The following PRELID2 variants were observed in gnomAD, a reference collection of about 807,000 sequenced individuals.
The protein encoded by PRELID2 is PRELI domain containing 2.
A neutral mutation model predicts 28.4 loss-of-function variants in PRELID2; 25 were observed. The observed-to-expected ratio is 0.88, with a 90% CI of 0.64 to 1.23. The LOEUF is 1.23. Among genes scored for constraint, PRELID2 ranks in the 50% most tolerant of loss-of-function variants. PRELID2 has a pLI of 0.00. For synonymous variants in PRELID2, 76 were observed against 71.6 expected (o/e 1.06, Z -0.31); for missense variants, 201 against 214.4 (o/e 0.94, Z 0.39).
intron 1 of PRELID2, among the ~76,000 whole-genome samples, chr5:145,511,585 G>C (rs1171579158): frequency 1.3e-5 from 2 of 152,186 alleles, no homozygotes; most frequent in African/African-American, 4.8e-5. Context: ...TTCATTTCGT[G>C]GTTCAAAAAT....
chr5:145,507,346 G>GA (rs960680154), intron 1 of PRELID2, among the ~76,000 whole-genome samples: 3 of 152,074 alleles, frequency 2.0e-5, no homozygotes, highest in African/African-American at 4.8e-5. Flanking sequence ...AAATGGGGGG[G>GA]AAAAACTGCA....
intron 1 of PRELID2, among the ~76,000 whole-genome samples, chr5:145,745,843 T>C (rs1756976381): frequency 7.0e-6 from 1 of 142,306 alleles, no homozygotes; most frequent in Non-Finnish European, 1.5e-5. Flanking sequence ...CCCTGGGTGA[T>C]AAGAGTGAAA....
the PRELID2 span, among the ~76,000 whole-genome samples, chr5:145,362,918 C>G: frequency 1.2e-4 from 18 of 151,944 alleles, no homozygotes; most frequent in Non-Finnish European, 2.4e-4. Context: ...TTATTCATAT[C>G]TGTTTTGACA....
intron 1 of PRELID2, among the ~76,000 whole-genome samples, chr5:145,653,510 C>A (rs1464247561): frequency 6.6e-6 from 1 of 152,190 alleles, no homozygotes; most frequent in East Asian, 1.9e-4. Flanking sequence ...TAAAGCACTC[C>A]TCAGCAAATG....
chr5:145,480,877 A>ATTATT (rs1171328880), intron 1 of PRELID2, among the ~76,000 whole-genome samples: 1 of 152,194 alleles, frequency 6.6e-6, no homozygotes, highest in African/African-American at 2.4e-5. Flanking sequence ...TGTCAACTAT[A>ATTATT]TTATTTTTCT....
chr5:145,446,403 C>T, the PRELID2 span, among the ~76,000 whole-genome samples: 1 of 151,930 alleles, frequency 6.6e-6, no homozygotes, highest in Admixed American at 6.6e-5. Flanking sequence ...AGAAAGGACT[C>T]TAGGAAGACA....
chr5:145,382,378 G>C, the PRELID2 span, among the ~76,000 whole-genome samples: 1 of 151,950 alleles, frequency 6.6e-6, no homozygotes, highest in Non-Finnish European at 1.5e-5. Flanking sequence ...TTCAAAATTT[G>C]TTGGAAAAAT....
chr5:145,445,296 T>A, the PRELID2 span, among the ~76,000 whole-genome samples: 1 of 152,078 alleles, frequency 6.6e-6, no homozygotes, highest in South Asian at 2.1e-4. Context: ...CAGTCTTCAA[T>A]AAACGGTGCT....
At chr5:145,472,768 C>T (rs961085946) in intron 2 of PRELID2, among the ~76,000 whole-genome samples, 6 of 152,166 alleles carry the variant, frequency 3.9e-5, no homozygotes, top group Non-Finnish European at 7.4e-5. Context: ...AGAGGAGACA[C>T]GATATAAGAA....
In PRELID2 at chr5:145,645,108, A is replaced by AGTGGG. The variant is rs559970944; in HGVS notation, n.70+119818_70+119822dup. Among the ~76,000 whole-genome samples the AGTGGG allele has an allele frequency of 1.9e-3, 284 of 152,250 alleles. 2 individuals are homozygous for AGTGGG. The highest frequency in any genetic ancestry group is 0.013 in the East Asian group (67 of 5,168). On this transcript the variant is annotated intron_variant and non_coding_transcript_variant, in intron 1 of 2. Transcript: ENST00000510259. ...TCTCGTTGATCTGTCTAATATTGAC[A>AGTGGG]GTGGGGTGTTAAAGCCTCCCACTAT...
the PRELID2 span, among the ~76,000 whole-genome samples, chr5:145,410,230 C>A: frequency 6.6e-6 from 1 of 152,118 alleles, no homozygotes; most frequent in Admixed American, 6.6e-5. Flanking sequence ...ATGAGAAAAT[C>A]TCTTCTAGAT....
chr5:145,763,167 C>G (rs1757554557), intron 6 of PRELID2, among the ~76,000 whole-genome samples: 1 of 152,214 alleles, frequency 6.6e-6, no homozygotes, highest in African/African-American at 2.4e-5. Flanking sequence ...CTCATTCCCT[C>G]ATTTACCTTG....
At chr5:145,486,492 G>T (rs1287465053) in intron 1 of PRELID2, among the ~76,000 whole-genome samples, 1 of 152,100 alleles carries the variant, frequency 6.6e-6, no homozygotes, top group Non-Finnish European at 1.5e-5. Context: ...AACTCTTCCT[G>T]CCAATCACAA....
intron 1 of PRELID2, among the ~76,000 whole-genome samples, chr5:145,640,349 G>C (rs563633303): frequency 6.6e-6 from 1 of 151,950 alleles, no homozygotes; most frequent in Non-Finnish European, 1.5e-5. Context: ...GGTGGCGGGC[G>C]CCTGTAGTCC....
chr5:145,720,737 G>A (rs1471212630), intron 1 of PRELID2, among the ~76,000 whole-genome samples: 1 of 151,220 alleles, frequency 6.6e-6, no homozygotes, highest in Non-Finnish European at 1.5e-5. Flanking sequence ...GACAAAGGTA[G>A]AAAAATAACA....
the PRELID2 span, among the ~76,000 whole-genome samples, chr5:145,424,217 C>G: frequency 1.2e-4 from 18 of 152,182 alleles, no homozygotes; most frequent in South Asian, 2.1e-4. Flanking sequence ...CCCAGAGGTG[C>G]AGCCTACAGA....
rs1365565337 is a variant in PRELID2 at position 145,492,672 on chromosome 5, T to A, written n.71-19357A>T. On this transcript the variant is annotated intron_variant and non_coding_transcript_variant, in intron 1 of 2. Coordinates refer to the PRELID2 transcript ENST00000510259. ...TTGAGTCTTACATTTAGGTCTTTAA[T>A]CCATTTTGAGTTGATTTCTGAATAT... Among the ~76,000 whole-genome samples, 3 of 141,488 alleles carry A rather than the reference T, an allele frequency of 2.1e-5. 1 individual carries two copies. Among genetic ancestry groups the A allele is most frequent in the African/African-American group, 7.5e-5 (3 of 40,086 alleles). 92.8% of individuals were successfully genotyped at this position (141,488 alleles called of 152,430 possible).
intron 1 of PRELID2, among the ~76,000 whole-genome samples, chr5:145,546,600 C>A (rs1322726409): frequency 6.6e-6 from 1 of 152,100 alleles, no homozygotes; most frequent in Non-Finnish European, 1.5e-5. Flanking sequence ...GCCAGAGGGA[C>A]AAAATCAATT....
chr5:145,593,475 T>G (rs1753259428), intron 1 of PRELID2, among the ~76,000 whole-genome samples: 1 of 152,174 alleles, frequency 6.6e-6, no homozygotes, highest in Non-Finnish European at 1.5e-5. Context: ...TGGAGTCCAT[T>G]GCAATCAGTT....
Sources: allele counts gnomAD v4.1 joint callset (sites outside exome capture counted in the v4.1 genomes callset), GRCh38; gene constraint gnomAD v4.1.1; transcripts MANE v1.5; gene names NCBI Gene and HGNC (gene_info 2026-07-23, HGNC 2026-07-21).